The following TBC1D32 variants were observed in gnomAD, a reference collection of about 807,000 sequenced individuals.
TBC1D32 encodes the protein protein broad-minded.
A neutral mutation model predicts 170.3 loss-of-function variants in TBC1D32; 151 were observed. The ratio of observed to expected loss-of-function variants is 0.89; its 90% CI spans 0.78 to 1.01. TBC1D32 has a LOEUF of 1.01. Ranked by LOEUF, TBC1D32 falls within the 50% of genes least tolerant of loss-of-function variation. The probability of loss-of-function intolerance (pLI) is 0.00; values close to 1 mark genes in which losing one functional copy is unlikely to be tolerated. For synonymous variants in TBC1D32, 498 were observed against 488.0 expected (o/e 1.02, Z -0.27); for missense variants, 1,464 against 1,457.1 (o/e 1.00, Z -0.08).
chr6:121,248,278 T>C (rs1486026996), intron 17 of TBC1D32, among the ~76,000 whole-genome samples: 1 of 152,034 alleles, frequency 6.6e-6, no homozygotes, highest in East Asian at 1.9e-4. Flanking sequence ...ATGATAATAG[T>C]GACACAACTT....
chr6:121,146,168 T>C (rs1783419041), intron 24 of TBC1D32, among the ~76,000 whole-genome samples: 2 of 152,164 alleles, frequency 1.3e-5, no homozygotes, highest in Non-Finnish European at 2.9e-5. Context: ...TTTGTACATA[T>C]ATAGAAGGAG....
At chr6:121,208,913 G>A (rs1266276177) in intron 21 of TBC1D32, among the ~76,000 whole-genome samples, 5 of 151,884 alleles carry the variant, frequency 3.3e-5, no homozygotes, top group Non-Finnish European at 7.4e-5. Context: ...GACAGACCTA[G>A]GAAATTAATA....
chr6:121,162,365 T>A (rs1266518795), intron 22 of TBC1D32, among the ~76,000 whole-genome samples: 2 of 152,108 alleles, frequency 1.3e-5, no homozygotes. Flanking sequence ...CCACCTTGAG[T>A]TGATTTTTGT....
At position 121,303,678 on chromosome 6, in the gene TBC1D32, A is replaced by C. The variant is rs1366812582; in HGVS notation, c.1019T>G (p.Leu340Trp). The C allele has an allele frequency of 1.9e-6, 3 of 1,598,736 alleles. No individual in the cohort carries two copies. The highest frequency in any genetic ancestry group is 2.6e-6 in the Non-Finnish European group (3 of 1,169,798). ...TAATGCAAAAAAGTAGATCGGATCC[A>C]AAATCTTTTGTGAGACAACATGGCT... ...NQSHVVSQKI[L>W]DPIYFFALVD... The change falls in exon 9 of 32, where the codon TTG becomes TGG. Residue 340 changes from leucine to tryptophan, a missense_variant. Transcript: ENST00000398212.
upstream of TBC1D32, chr6:121,334,600 G>T: frequency 1.4e-6 from 1 of 725,160 alleles, no homozygotes; most frequent in Non-Finnish European, 2.3e-6. Flanking sequence ...CGTCATTTCG[G>T]AAAACGAGTC....
intron 1 of TBC1D32, among the ~76,000 whole-genome samples, chr6:121,327,664 C>A (rs1301806904): frequency 6.6e-6 from 1 of 152,164 alleles, no homozygotes; most frequent in Non-Finnish European, 1.5e-5. Flanking sequence ...CATGCCCCAA[C>A]TAAAGGCAAA....
chr6:121,090,642 T>C (rs1264158877), intron 31 of TBC1D32, among the ~76,000 whole-genome samples: 1 of 152,216 alleles, frequency 6.6e-6, no homozygotes, highest in Non-Finnish European at 1.5e-5. Flanking sequence ...AGACAGCTTA[T>C]TTCATATTCC....
chr6:121,168,712 T>TAATAAAATAA (rs748287642), intron 22 of TBC1D32, among the ~76,000 whole-genome samples: 2 of 93,902 alleles, frequency 2.1e-5, no homozygotes, highest in Admixed American at 2.4e-4. Flanking sequence ...TAGAGTATAA[T>TAATAAAATAA]AAAAAAAAAA....
At chr6:121,259,213 G>A (rs1189798718) in intron 15 of TBC1D32, among the ~76,000 whole-genome samples, 14 of 151,922 alleles carry the variant, frequency 9.2e-5, no homozygotes, top group African/African-American at 2.9e-4. Flanking sequence ...CAGGAGAATC[G>A]CTTGAACCCA....
intron 24 of TBC1D32, among the ~76,000 whole-genome samples, chr6:121,149,485 T>G (rs1444443381): frequency 6.6e-6 from 1 of 152,202 alleles, no homozygotes; most frequent in African/African-American, 2.4e-5. Flanking sequence ...TGGGGTCCAG[T>G]TTTCTCAATA....
intron 15 of TBC1D32, among the ~76,000 whole-genome samples, chr6:121,265,795 A>G (rs1172579697): frequency 6.6e-6 from 1 of 152,176 alleles, no homozygotes; most frequent in Non-Finnish European, 1.5e-5. Context: ...TTGATCTTTG[A>G]CAAACCTAAC....
At chr6:121,231,687 C>T (rs1162609664) in intron 20 of TBC1D32, among the ~76,000 whole-genome samples, 1 of 152,002 alleles carries the variant, frequency 6.6e-6, no homozygotes, top group Admixed American at 6.6e-5. Context: ...CACATTTTTC[C>T]ATGTGCTTGT....
At chr6:121,151,259 C>T (rs1215239508) in intron 24 of TBC1D32, among the ~76,000 whole-genome samples, 1 of 152,098 alleles carries the variant, frequency 6.6e-6, no homozygotes, top group Admixed American at 6.6e-5. Flanking sequence ...TTATTATTTA[C>T]CCAGTAGTCA....
At chr6:121,181,758 T>C (rs143458694) in intron 22 of TBC1D32, among the ~76,000 whole-genome samples, 1 of 152,178 alleles carries the variant, frequency 6.6e-6, no homozygotes, top group African/African-American at 2.4e-5. Context: ...AAAGAAAACG[T>C]AATACATTTA....
rs555195117 is a variant in TBC1D32, at chr6:121,236,584, A to G, written c.2364+2486T>C. Among the ~76,000 whole-genome samples the G allele has an allele frequency of 5.9e-5, 9 of 152,238 alleles. No homozygotes were observed. The South Asian group carries it at 1.7e-3, about 28-fold the overall frequency. On this transcript the variant is annotated intron_variant, in intron 20 of 31. Coordinates refer to ENST00000398212, the MANE Select transcript of TBC1D32 (RefSeq NM_152730.6). ...CTGGACTCTAGGGCTGTTTACTACA[A>G]TGAGTTGTCATTTCTAGGTCTTTCT...
intron 30 of TBC1D32, among the ~76,000 whole-genome samples, chr6:121,102,973 A>T (rs2128188365): frequency 6.6e-6 from 1 of 152,326 alleles, no homozygotes; most frequent in African/African-American, 2.4e-5. Context: ...GCCAACAGAC[A>T]CATGAAAAAC....
intron 24 of TBC1D32, among the ~76,000 whole-genome samples, chr6:121,154,916 A>T (rs2128238412): frequency 6.6e-6 from 1 of 152,268 alleles, no homozygotes; most frequent in African/African-American, 2.4e-5. Flanking sequence ...CTTATAGTAT[A>T]GTTTGAAGTC....
chr6:121,218,537 C>T (rs182377360), intron 21 of TBC1D32, among the ~76,000 whole-genome samples: 132 of 152,180 alleles, frequency 8.7e-4, no homozygotes, highest in Admixed American at 2.9e-3. Flanking sequence ...GGCAGACCCA[C>T]CCTTAATCTG....
At chr6:121,156,401 T>C (rs1562698630) in intron 24 of TBC1D32, among the ~76,000 whole-genome samples, 1 of 151,962 alleles carries the variant, frequency 6.6e-6, no homozygotes, top group Non-Finnish European at 1.5e-5. Flanking sequence ...ATTTGGATCT[T>C]CTTTTTTTTT....
Sources: allele counts gnomAD v4.1 joint callset (sites outside exome capture counted in the v4.1 genomes callset), GRCh38; gene constraint gnomAD v4.1.1; transcripts MANE v1.5; gene names NCBI Gene and HGNC (gene_info 2026-07-23, HGNC 2026-07-21).